BTD: variants seen among roughly 807,000 people sequenced by gnomAD.
BTD encodes the protein biotinidase.
In BTD, 13 loss-of-function variants were observed where a neutral mutation model predicts 17.7. The ratio of observed to expected loss-of-function variants is 0.74; its 90% CI spans 0.48 to 1.17. BTD has a LOEUF of 1.17. Among genes scored for constraint, BTD ranks in the 50% most tolerant of loss-of-function variants. The pLI, the probability that BTD is intolerant of heterozygous loss-of-function variation, is 0.00. For missense variants in BTD, 674 were observed against 650.4 expected (o/e 1.04, Z -0.39); for synonymous variants, 240 against 245.2 (o/e 0.98, Z 0.20).
At chr3:15,689,807 T>G in intron 3 of BTD, 1 of 523,048 alleles carries the variant, frequency 1.9e-6, no homozygotes, top group South Asian at 2.9e-5. Context: ...CCCTGAACAC[T>G]GGGATACTCC....
At chr3:15,604,704 C>T (rs530350226) in intron 1 of BTD, among the ~76,000 whole-genome samples, 3 of 152,304 alleles carry the variant, frequency 2.0e-5, no homozygotes, top group Admixed American at 6.5e-5. Context: ...TTAGAAATTT[C>T]TTCTGCCAGA....
Position 15,719,014 on chromosome 3 carries a change from A to G in BTD, c.1016-2756A>G, listed in dbSNP as rs4685257. ...AAATAAGCAGTTCAAACCTGTAATA[A>G]ATAAACTTTCTAGTAATTACTTAAA... On this transcript the variant is annotated intron_variant, in intron 4 of 4. Transcript: ENST00000672427. Among the ~76,000 whole-genome samples, 1,131 of 152,332 alleles carry G rather than the reference A, an allele frequency of 7.4e-3. 46 individuals carry two copies. The highest frequency in any genetic ancestry group is 0.069 in the Admixed American group (1,050 of 15,282).
intron 1 of BTD, among the ~76,000 whole-genome samples, chr3:15,618,906 T>C (rs942973455): frequency 1.3e-5 from 2 of 152,268 alleles, no homozygotes; most frequent in African/African-American, 2.4e-5. Flanking sequence ...ATATGAACCT[T>C]GTATCCTACA....
At chr3:15,714,666 G>T, downstream of BTD, 1 of 1,572,766 alleles carries the variant, frequency 6.4e-7, no homozygotes, top group Non-Finnish European at 8.6e-7. Flanking sequence ...TCTGGGGGGG[G>T]AAGAAAAAAA....
At chr3:15,659,306 G>C (rs1206971944) in intron 3 of BTD, among the ~76,000 whole-genome samples, 9 of 151,760 alleles carry the variant, frequency 5.9e-5, no homozygotes, top group Admixed American at 3.3e-4. Flanking sequence ...CTGAGTGTGG[G>C]GGGGATAATA....
At chr3:15,620,830 T>G (rs9849809) in intron 1 of BTD, among the ~76,000 whole-genome samples, 6,575 of 152,228 alleles carry the variant, frequency 0.043, 405 homozygotes, top group African/African-American at 0.14. Flanking sequence ...GGGATATATA[T>G]AGAGAGATAT....
At chr3:15,603,748 T>C (rs995298600) in intron 1 of BTD, among the ~76,000 whole-genome samples, 3 of 152,156 alleles carry the variant, frequency 2.0e-5, no homozygotes, top group African/African-American at 7.2e-5. Context: ...GTGAGGTAAA[T>C]ATACCCGTTC....
At position 15,601,777 on chromosome 3, in the gene BTD, A is replaced by G. The variant is rs1277086549; in HGVS notation, c.-134A>G. 2 of 1,611,862 alleles carry G rather than the reference A, an allele frequency of 1.2e-6. No homozygotes were observed. Among genetic ancestry groups the G allele is most frequent in the South Asian group, 1.1e-5 (1 of 90,588 alleles). The stretch of plus-strand genomic sequence containing the variant: ...TGCTGCCTATGCAAAGCAGGTAAGA[A>G]GCCGAACTCTGAGGCCTCTCGCCAT... On this transcript the variant is annotated 5_prime_UTR_variant, in exon 1 of 4. Transcript: ENST00000643237.
At position 15,623,983 on chromosome 3, in the gene BTD, C is replaced by T. The variant is rs559827080; in HGVS notation, c.-16-11441C>T. Reference sequence around the variant, plus strand: ...CAGTGTGAGAATGGACTAATACAGACGCACAATGCTAGGCTGGTACTTTTT... The same window carrying T: ...CAGTGTGAGAATGGACTAATACAGATGCACAATGCTAGGCTGGTACTTTTT... On this transcript the variant is annotated intron_variant, in intron 1 of 3. Coordinates refer to ENST00000643237, the MANE Select transcript of BTD (RefSeq NM_001370658.1). Among the ~76,000 whole-genome samples the T allele has an allele frequency of 2.0e-4, 31 of 152,270 alleles. No homozygotes were observed. The South Asian group carries it at 2.1e-3, about 10-fold the overall frequency.
rs192192061 is a variant in BTD at position 15,650,838 on chromosome 3, C to T, written c.*5350C>T. On this transcript the variant is annotated 3_prime_UTR_variant, in exon 4 of 4. Transcript: ENST00000643237. ...GGGCAGGAGTGCAATGGCATGATCT[C>T]GGCTCACTGCAAGCTCTGCCTCCCG... Among the ~76,000 whole-genome samples the T allele has an allele frequency of 1.7e-4, 26 of 152,302 alleles. No individual in the cohort carries two copies. The highest frequency in any genetic ancestry group is 1.4e-3 in the Admixed American group (22 of 15,300).
intron 2 of BTD, among the ~76,000 whole-genome samples, chr3:15,638,930 C>T (rs1385539674): frequency 6.6e-6 from 1 of 152,152 alleles, no homozygotes; most frequent in African/African-American, 2.4e-5. Context: ...CTTATGGGAC[C>T]ACCATCACAT....
chr3:15,642,666 G>A (rs2065552789), intron 3 of BTD, among the ~76,000 whole-genome samples: 1 of 151,948 alleles, frequency 6.6e-6, no homozygotes, highest in Admixed American at 6.6e-5. Context: ...GTTTCACCAT[G>A]TTAGCCAGGA....
At chr3:15,711,708 A>C (rs2072305833) in exon 4 of BTD, among the ~76,000 whole-genome samples, 1 of 151,302 alleles carries the variant, frequency 6.6e-6, no homozygotes, top group Non-Finnish European at 1.5e-5. Flanking sequence ...TTTTTTTGAG[A>C]CAGAGTCTCG....
rs185762296 is a variant in BTD, at chr3:15,693,749, A to T, written c.400-16311A>T. ...GGGAGAGGTGATGGTGTTTCCAAGG[A>T]CTCAAAGGGCAAAGAAGTAGAAAGC... On this transcript the variant is annotated intron_variant, in intron 3 of 3. Transcript: ENST00000672141. 7.9e-5 allele frequency among the ~76,000 whole-genome samples: 12 copies of T among 152,180 alleles called. No homozygotes were observed. In the East Asian group the frequency reaches 2.3e-3, roughly 29 times the overall value.
At chr3:15,714,736 G>T, downstream of BTD, 1 of 910,992 alleles carries the variant, frequency 1.1e-6, no homozygotes, top group Non-Finnish European at 1.6e-6. Context: ...ATACCCTCTT[G>T]CATCTTTATT....
chr3:15,698,796 G>T (rs751796373), intron 3 of BTD, among the ~76,000 whole-genome samples: 3 of 152,142 alleles, frequency 2.0e-5, no homozygotes, highest in Non-Finnish European at 4.4e-5. Context: ...AATCAATATT[G>T]TGAAAATGGC....
chr3:15,626,799 AAG>A (rs2125415356), intron 1 of BTD, among the ~76,000 whole-genome samples: 4 of 150,768 alleles, frequency 2.7e-5, no homozygotes, highest in Admixed American at 6.6e-5. Flanking sequence ...AAAAAAAGAA[AAG>A]AAAAGAAAAA....
chr3:15,644,177 T>C, intron 3 of BTD, 139 bp from the exon 4 acceptor site: 1 of 861,834 alleles, frequency 1.2e-6, no homozygotes, highest in Non-Finnish European at 1.8e-6. Context: ...ATTTTTTGTA[T>C]TTTTAGTTGA....
At chr3:15,721,176 T>G in intron 4 of BTD, 1 of 1,531,646 alleles carries the variant, frequency 6.5e-7, no homozygotes. Flanking sequence ...TTGCTAATTA[T>G]CAATGTTGTG....
Sources: allele counts gnomAD v4.1 joint callset (sites outside exome capture counted in the v4.1 genomes callset), GRCh38; gene constraint gnomAD v4.1.1; transcripts MANE v1.5; gene names NCBI Gene and HGNC (gene_info 2026-07-23, HGNC 2026-07-21).